PLPP4: variants seen among roughly 807,000 people sequenced by gnomAD.
PLPP4 encodes the protein diacylglycerol pyrophosphate like 2.
A neutral mutation model predicts 32.2 loss-of-function variants in PLPP4; 20 were observed. That is an observed-to-expected ratio of 0.62 (90% confidence interval 0.44 to 0.90). PLPP4 has a LOEUF of 0.90. PLPP4 is among the 40% of genes least tolerant of loss of function. The pLI is 0.00. For missense variants in PLPP4, 257 were observed against 353.1 expected, an observed-to-expected ratio of 0.73 and a Z score of 2.18; for synonymous variants, 127 against 133.0, an observed-to-expected ratio of 0.95 and a Z score of 0.31.
At chr10:120,513,767 T>G (rs1484113316) in intron 2 of PLPP4, 144 bp from the exon 3 acceptor site, 4 of 700,300 alleles carry the variant, frequency 5.7e-6, no homozygotes, top group African/African-American at 5.5e-5. Flanking sequence ...CATCATCCTT[T>G]TTTTTTTGTT....
intron 6 of PLPP4, among the ~76,000 whole-genome samples, chr10:120,582,258 A>G (rs935532832): frequency 1.3e-5 from 2 of 152,236 alleles, no homozygotes; most frequent in Non-Finnish European, 2.9e-5. Context: ...CTCTGAAATC[A>G]GTAAGGGGAG....
At chr10:120,562,978 G>A (rs1258011319) in intron 5 of PLPP4, among the ~76,000 whole-genome samples, 4 of 152,188 alleles carry the variant, frequency 2.6e-5, no homozygotes, top group African/African-American at 4.8e-5. Flanking sequence ...GGTGACTCAC[G>A]CCTGTAATCC....
At chr10:120,489,206 G>A (rs758658714) in intron 1 of PLPP4, among the ~76,000 whole-genome samples, 6 of 152,212 alleles carry the variant, frequency 3.9e-5, no homozygotes, top group East Asian at 1.9e-4. Context: ...GATGAAGAAC[G>A]CAAGGTTTGC....
At chr10:120,589,091 G>A (rs1274980777) in intron 6 of PLPP4, among the ~76,000 whole-genome samples, 1 of 152,066 alleles carries the variant, frequency 6.6e-6, no homozygotes, top group East Asian at 1.9e-4. Flanking sequence ...CGGGAAGAAA[G>A]AATCAAGTAC....
At chr10:120,525,161 T>C (rs2901244) in intron 5 of PLPP4, among the ~76,000 whole-genome samples, 65,428 of 151,932 alleles carry the variant, frequency 0.43, 15,053 homozygotes, top group East Asian at 0.58. Context: ...CACTTTACAA[T>C]GGCCATGTTG....
intron 1 of PLPP4, among the ~76,000 whole-genome samples, chr10:120,474,075 A>T (rs1843789277): frequency 6.6e-6 from 1 of 151,532 alleles, no homozygotes; most frequent in African/African-American, 2.4e-5. Flanking sequence ...TGCTTTGCTG[A>T]TTGGTACTCT....
chr10:120,517,310 G>A (rs572446944), intron 3 of PLPP4, among the ~76,000 whole-genome samples: 52 of 152,294 alleles, frequency 3.4e-4, no homozygotes, highest in Middle Eastern at 3.4e-3. Flanking sequence ...CTCACAACCT[G>A]TTAATTATCA....
rs1392158941 is a variant in PLPP4, at chr10:120,589,732, G to A, written c.*230G>A. The A allele has an allele frequency of 1.9e-5, 10 of 519,462 alleles. No individual in the cohort carries two copies. In the East Asian group the frequency reaches 2.8e-4, roughly 14 times the overall value. 32.2% of individuals were successfully genotyped at this position (519,462 alleles called of 1,614,324 possible). On this transcript the variant is annotated 3_prime_UTR_variant, in exon 7 of 7. Transcript: ENST00000398250. ...AATCTCTGAGAGACGTGTGGAAGAG[G>A]CTGTGAAGGTGGGGTTTGGGGAGCT...
intron 2 of PLPP4, among the ~76,000 whole-genome samples, chr10:120,509,945 G>C (rs1430618584): frequency 1.3e-5 from 2 of 152,188 alleles, no homozygotes; most frequent in Non-Finnish European, 2.9e-5. Context: ...GTGGTCAAAA[G>C]TGCAGAGCCT....
At chr10:120,503,783 C>T (rs748324298) in intron 1 of PLPP4, 35 bp from the exon 2 acceptor site, 1 of 1,596,184 alleles carries the variant, frequency 6.3e-7, no homozygotes, top group Non-Finnish European at 8.6e-7. Context: ...CAACAGAACG[C>T]TCAACCTTCA....
intron 1 of PLPP4, among the ~76,000 whole-genome samples, chr10:120,472,989 A>G (rs569456555): frequency 2.6e-5 from 4 of 152,102 alleles, no homozygotes; most frequent in Non-Finnish European, 5.9e-5. Flanking sequence ...TTTTCCGTCT[A>G]TTATCCATTG....
intron 5 of PLPP4, among the ~76,000 whole-genome samples, chr10:120,523,107 C>A (rs1846231224): frequency 6.6e-6 from 1 of 152,058 alleles, no homozygotes; most frequent in Non-Finnish European, 1.5e-5. Flanking sequence ...ACCATCCTGG[C>A]CAACATGGTG....
chr10:120,476,642 C>G (rs1204635384), intron 1 of PLPP4, among the ~76,000 whole-genome samples: 1 of 152,186 alleles, frequency 6.6e-6, no homozygotes, highest in Non-Finnish European at 1.5e-5. Context: ...CAGATGCAAT[C>G]CAGTCTAGTG....
At chr10:120,574,168 A>ACACACACACTCTCTCT (rs1849090021) in intron 5 of PLPP4, among the ~76,000 whole-genome samples, 1 of 47,122 alleles carries the variant, frequency 2.1e-5, no homozygotes, top group African/African-American at 8.6e-5. Flanking sequence ...ACACACACAC[A>ACACACACACTCTCTCT]CTCTCTCTCT....
chr10:120,517,788 G>A (rs1845991666), intron 3 of PLPP4, among the ~76,000 whole-genome samples: 1 of 152,120 alleles, frequency 6.6e-6, no homozygotes, highest in South Asian at 2.1e-4. Context: ...CCATTCCACA[G>A]TACTTTCTGC....
chr10:120,470,523 C>A (rs574746494), intron 1 of PLPP4, among the ~76,000 whole-genome samples: 1 of 152,210 alleles, frequency 6.6e-6, no homozygotes, highest in East Asian at 1.9e-4. Flanking sequence ...CATAAATATT[C>A]TTCTGTATTA....
At chr10:120,588,925 A>G (rs963050084) in intron 6 of PLPP4, among the ~76,000 whole-genome samples, 1 of 152,218 alleles carries the variant, frequency 6.6e-6, no homozygotes, top group Non-Finnish European at 1.5e-5. Flanking sequence ...ATGTGCCTGT[A>G]ATCCCAGCTA....
intron 5 of PLPP4, among the ~76,000 whole-genome samples, chr10:120,533,151 A>G (rs1232247283): frequency 6.6e-6 from 1 of 152,168 alleles, no homozygotes; most frequent in African/African-American, 2.4e-5. Flanking sequence ...CTGACATCTG[A>G]TATTTCCACA....
At chr10:120,457,383 G>A (rs1420567924) in intron 1 of PLPP4, 22 bp downstream of exon 1, 3 of 1,527,312 alleles carry the variant, frequency 2.0e-6, no homozygotes, top group Non-Finnish European at 2.6e-6. Context: ...CGCACCGCGG[G>A]CAGGGCGCAC....
Sources: allele counts gnomAD v4.1 joint callset (sites outside exome capture counted in the v4.1 genomes callset), GRCh38; gene constraint gnomAD v4.1.1; transcripts MANE v1.5; gene names NCBI Gene and HGNC (gene_info 2026-07-23, HGNC 2026-07-21).